SURF4: variants seen among roughly 807,000 people sequenced by gnomAD.
SURF4 encodes surfeit locus protein 4.
A neutral mutation model predicts 30.0 loss-of-function variants in SURF4; 3 were observed. The ratio of observed to expected loss-of-function variants is 0.10; its 90% CI spans 0.05 to 0.26. The LOEUF is 0.26. Among genes scored for constraint, SURF4 ranks in the 10% least tolerant of loss-of-function variants. SURF4 has a pLI of 1.00. For missense variants in SURF4, 217 were observed against 350.8 expected (o/e 0.62, Z 3.05); for synonymous variants, 143 against 139.9 (o/e 1.02, Z -0.16).
intron 3 of SURF4, 52 bp from the exon 4 acceptor site, chr9:133,366,080 T>A (rs2130123532): frequency 1.9e-6 from 3 of 1,555,834 alleles, no homozygotes; most frequent in Admixed American, 1.7e-5. Flanking sequence ...CCAAAGGCAT[T>A]TCCACAGACT....
chr9:133,377,281 T>C (rs1391939643), upstream of SURF4, among the ~76,000 whole-genome samples: 1 of 152,144 alleles, frequency 6.6e-6, no homozygotes, highest in Non-Finnish European at 1.5e-5. Context: ...TAGACTTGAT[T>C]CGAGATACGG....
At chr9:133,364,738 CT>C in intron 5 of SURF4, 101 bp downstream of exon 5, 5 of 1,077,422 alleles carry the variant, frequency 4.6e-6, no homozygotes, top group Non-Finnish European at 6.5e-6. Context: ...CTCCCCCAGG[CT>C]GTGGTTAATA....
At chr9:133,374,761 G>A (rs1369782042) in intron 1 of SURF4, among the ~76,000 whole-genome samples, 3 of 151,852 alleles carry the variant, frequency 2.0e-5, no homozygotes, top group Non-Finnish European at 4.4e-5. Context: ...CAGGAGGAAC[G>A]GAAGAGTTCA....
chr9:133,368,934 A>C (rs1404579798), intron 1 of SURF4, among the ~76,000 whole-genome samples: 1 of 152,226 alleles, frequency 6.6e-6, no homozygotes, highest in African/African-American at 2.4e-5. Context: ...CGTCAGCTGC[A>C]CAGGCCTCCT....
chr9:133,372,673 G>A, intron 1 of SURF4: 1 of 981,994 alleles, frequency 1.0e-6, no homozygotes, highest in Non-Finnish European at 1.2e-6. Flanking sequence ...TGAAAAAATG[G>A]ATGTGTCACT....
intron 1 of SURF4, among the ~76,000 whole-genome samples, chr9:133,375,701 G>A (rs1377058063): frequency 6.6e-6 from 1 of 152,092 alleles, no homozygotes; most frequent in Non-Finnish European, 1.5e-5. Flanking sequence ...GCCGAGGCCC[G>A]GGCTCCGGGA....
chr9:133,366,163 G>T (rs1564362995), intron 3 of SURF4, 135 bp from the exon 4 acceptor site: 18 of 825,468 alleles, frequency 2.2e-5, no homozygotes, highest in East Asian at 2.6e-5. Context: ...AGGAGACCGA[G>T]GACAGATCTA....
Position 133,361,932 on chromosome 9 carries a change from ATG to A in SURF4, c.*1559_*1560del, listed in dbSNP as rs1836833441. The stretch of plus-strand genomic sequence containing the variant: ...GAAACACTGAGACAAGCCAGTCTTC[ATG>A]CAGTGAGCACTTGAATGATCACAGG... On this transcript the variant is annotated 3_prime_UTR_variant, in exon 6 of 6. Transcript: ENST00000371989. The A allele has an allele frequency of 6.6e-6, 1 of 152,290 alleles. No homozygotes were observed. Among genetic ancestry groups the A allele is most frequent in the African/African-American group, 2.4e-5 (1 of 41,450 alleles). The allele number at this position is 152,290 out of a possible 1,614,324, so 9.4% of individuals were successfully genotyped here.
intron 2 of SURF4, 135 bp downstream of exon 2, chr9:133,367,124 G>T: frequency 8.3e-7 from 1 of 1,208,828 alleles, no homozygotes; most frequent in Non-Finnish European, 1.1e-6. Flanking sequence ...GCCTGGCACA[G>T]CTGAGCTGGA....
At chr9:133,365,400 C>T (rs2130116905) in intron 4 of SURF4, among the ~76,000 whole-genome samples, 3 of 152,106 alleles carry the variant, frequency 2.0e-5, no homozygotes, top group African/African-American at 4.8e-5. Flanking sequence ...TCAGAAGAGA[C>T]GGCTTCAGTC....
chr9:133,366,689 C>CA lies in SURF4; in HGVS notation c.236-15dup. On this transcript the variant is annotated splice_polypyrimidine_tract_variant and intron_variant, in intron 2 of 5. Coordinates refer to ENST00000371989, the MANE Select transcript of SURF4 (RefSeq NM_033161.4). ...GGACGCAGCCAGCTGGAGAGAAGGACAAGGGTTAGGGGGCCTGAGGGTGGG... is the reference window on the plus strand; with the variant it reads ...GGACGCAGCCAGCTGGAGAGAAGGACAAAGGGTTAGGGGGCCTGAGGGTGGG... 1.9e-6 allele frequency: 3 copies of CA among 1,612,648 alleles called. No individual in the cohort carries two copies. The African/African-American group carries it at 4.0e-5, about 21-fold the overall frequency.
chr9:133,376,156 C>A (rs1465520103), upstream of SURF4: 3 of 1,211,784 alleles, frequency 2.5e-6, no homozygotes, highest in African/African-American at 1.6e-5. Context: ...GGGCCCGCCC[C>A]GGTGCGTCTT....
chr9:133,377,196 T>A (rs1419840110), upstream of SURF4, among the ~76,000 whole-genome samples: 1 of 152,110 alleles, frequency 6.6e-6, no homozygotes, highest in Non-Finnish European at 1.5e-5. Flanking sequence ...GCCAGATAAT[T>A]TTTAAAGTAA....
chr9:133,376,459 C>G (rs1233391821), upstream of SURF4: 2 of 1,569,742 alleles, frequency 1.3e-6, no homozygotes, highest in East Asian at 4.8e-5. Flanking sequence ...CGCCCGTACG[C>G]GGTCGCTACT....
At chr9:133,365,874 C>A in intron 4 of SURF4, 111 bp downstream of exon 4, 1 of 1,096,930 alleles carries the variant, frequency 9.1e-7, no homozygotes, top group Non-Finnish European at 1.4e-6. Context: ...TTCCTTTGAG[C>A]GTCATGTTGG....
At chr9:133,375,850 G>A in intron 1 of SURF4, 72 bp downstream of exon 1, 1 of 1,205,940 alleles carries the variant, frequency 8.3e-7, no homozygotes, top group South Asian at 4.1e-5. Context: ...CCTGCGCTGG[G>A]AGGCCGACTC....
chr9:133,363,194 A>T lies in SURF4; in HGVS notation c.*299T>A, dbSNP rs1291955121. 1 of 602,896 alleles carries T rather than the reference A, an allele frequency of 1.7e-6. No homozygotes were observed. Among genetic ancestry groups the T allele is most frequent in the Non-Finnish European group, 3.0e-6 (1 of 337,630 alleles). 37.3% of individuals were successfully genotyped at this position (602,896 alleles called of 1,614,324 possible). On this transcript the variant is annotated 3_prime_UTR_variant, in exon 6 of 6. Transcript: ENST00000371989. The surrounding 1 kb of genome is among the most constrained non-coding windows in gnomAD (Gnocchi z 4.3). Reference sequence around the variant, plus strand: ...CTGTACCCCCACAAAAAAACTCAAAAATAGGACTGAGATGCCACAGCCAAG... The same window carrying T: ...CTGTACCCCCACAAAAAAACTCAAATATAGGACTGAGATGCCACAGCCAAG...
intron 1 of SURF4, among the ~76,000 whole-genome samples, chr9:133,374,261 T>C: frequency 6.6e-6 from 1 of 152,092 alleles, no homozygotes. Context: ...TTTAAAATTG[T>C]GTCTTTAAAG....
intron 1 of SURF4, among the ~76,000 whole-genome samples, chr9:133,374,568 AAAAT>A (rs2130225701): frequency 1.5e-4 from 23 of 152,214 alleles, no homozygotes; most frequent in Non-Finnish European, 2.2e-4. Flanking sequence ...TCTCAAAGAA[AAAAT>A]AAATAAATAA....
Sources: allele counts gnomAD v4.1 joint callset (sites outside exome capture counted in the v4.1 genomes callset), GRCh38; gene constraint gnomAD v4.1.1; non-coding constraint Gnocchi (gnomAD v3.1); transcripts MANE v1.5; gene names NCBI Gene and HGNC (gene_info 2026-07-23, HGNC 2026-07-21).